Variants in GRID1 observed in about 807,000 individuals in gnomAD.
GRID1 encodes the protein glutamate receptor ionotropic, delta-1.
In GRID1, 28 loss-of-function variants were observed where a neutral mutation model predicts 98.0. The ratio of observed to expected loss-of-function variants is 0.29; its 90% CI spans 0.21 to 0.39. GRID1 has a LOEUF of 0.39. Ranked by LOEUF, GRID1 falls within the 10% of genes least tolerant of loss-of-function variation. The probability of loss-of-function intolerance (pLI) is 1.00; values close to 1 mark genes in which losing one functional copy is unlikely to be tolerated. For synonymous variants in GRID1, 553 were observed against 538.5 expected (o/e 1.03, Z -0.37); for missense variants, 1,111 against 1,340.5 (o/e 0.83, Z 2.67).
chr10:86,342,976 GAACAAAT>G, intron 2 of GRID1, among the ~76,000 whole-genome samples: 1 of 24,412 alleles, frequency 4.1e-5, no homozygotes, highest in Non-Finnish European at 3.6e-4. Context: ...GGAAATGAAT[GAACAAAT>G]GAATGGACAT....
intron 8 of GRID1, among the ~76,000 whole-genome samples, chr10:85,841,396 G>A (rs1842960396): frequency 6.6e-6 from 1 of 152,034 alleles, no homozygotes; most frequent in Non-Finnish European, 1.5e-5. Flanking sequence ...AGACAACCTA[G>A]GCAATATCAT....
intron 4 of GRID1, among the ~76,000 whole-genome samples, chr10:86,043,636 G>A (rs989037837): frequency 6.6e-6 from 1 of 152,188 alleles, no homozygotes; most frequent in East Asian, 1.9e-4. Flanking sequence ...TCTGATCTCT[G>A]GCAAATTCAC....
intron 2 of GRID1, among the ~76,000 whole-genome samples, chr10:86,311,451 C>A (rs1847830916): frequency 6.6e-6 from 1 of 152,180 alleles, no homozygotes; most frequent in Non-Finnish European, 1.5e-5. Context: ...TGTGGCTCCA[C>A]AACAAAACTT....
At chr10:86,265,245 G>A (rs150708411) in intron 2 of GRID1, among the ~76,000 whole-genome samples, 12 of 152,028 alleles carry the variant, frequency 7.9e-5, no homozygotes, top group Non-Finnish European at 1.3e-4. Context: ...CTTCTCTGAC[G>A]GCTCCCTCTC....
rs376240198 is a variant in GRID1, at chr10:86,151,976, G to A, written c.521-12952C>T. On this transcript the variant is annotated intron_variant, in intron 3 of 15. Coordinates refer to ENST00000327946, the MANE Select transcript of GRID1 (RefSeq NM_017551.3). ...AGGCCATGCCCTATCGTGGATACTA[G>A]AGAGAAGGATCAGACCCTGTCCCCA... Among the ~76,000 whole-genome samples, 28 of 152,336 alleles carry A rather than the reference G, an allele frequency of 1.8e-4. 1 individual carries two copies. Among genetic ancestry groups the A allele is most frequent in the African/African-American group, 6.7e-4 (28 of 41,578 alleles).
chr10:85,684,117 A>T (rs1302760814), intron 12 of GRID1, among the ~76,000 whole-genome samples: 1 of 152,228 alleles, frequency 6.6e-6, no homozygotes, highest in East Asian at 1.9e-4. Flanking sequence ...TATCTTAGTC[A>T]TTTTTATGCC....
chr10:85,973,577 T>C (rs1842434489), intron 4 of GRID1, among the ~76,000 whole-genome samples: 1 of 152,198 alleles, frequency 6.6e-6, no homozygotes, highest in African/African-American at 2.4e-5. Flanking sequence ...CTAAAATCTG[T>C]TAATACTGGC....
At chr10:85,915,704 G>A (rs538272380) in intron 5 of GRID1, among the ~76,000 whole-genome samples, 1 of 151,482 alleles carries the variant, frequency 6.6e-6, no homozygotes, top group African/African-American at 2.4e-5. Flanking sequence ...CATAAACACA[G>A]ACATACACAC....
chr10:86,117,142 TCAC>T (rs1212498529), intron 4 of GRID1, among the ~76,000 whole-genome samples: 3 of 149,306 alleles, frequency 2.0e-5, no homozygotes, highest in Non-Finnish European at 3.0e-5. Context: ...ACTACCACCA[TCAC>T]CACCAACATC....
At chr10:85,865,629 T>C (rs561498453) in intron 6 of GRID1, among the ~76,000 whole-genome samples, 2 of 152,234 alleles carry the variant, frequency 1.3e-5, no homozygotes, top group East Asian at 3.9e-4. Context: ...CCTTGAGTTG[T>C]TCTAAACATG....
At chr10:86,321,918 C>T (rs1463698712) in intron 2 of GRID1, among the ~76,000 whole-genome samples, 1 of 152,022 alleles carries the variant, frequency 6.6e-6, no homozygotes, top group Non-Finnish European at 1.5e-5. Context: ...AGCAGGCAAC[C>T]CAGAATCACC....
intron 4 of GRID1, among the ~76,000 whole-genome samples, chr10:86,035,243 T>C (rs1212189862): frequency 2.6e-5 from 4 of 152,194 alleles, no homozygotes; most frequent in Non-Finnish European, 5.9e-5. Context: ...TGGATTTCTC[T>C]GGAAAGGGAA....
intron 2 of GRID1, among the ~76,000 whole-genome samples, chr10:86,236,802 G>A (rs1846547150): frequency 6.6e-6 from 1 of 152,188 alleles, no homozygotes; most frequent in Admixed American, 6.5e-5. Flanking sequence ...AAATGTGCAT[G>A]GCAAATCCTG....
chr10:85,612,092 A>G (rs898249378), intron 15 of GRID1, among the ~76,000 whole-genome samples: 2 of 152,230 alleles, frequency 1.3e-5, no homozygotes, highest in African/African-American at 4.8e-5. Flanking sequence ...CTTCCAGGGA[A>G]GAGACAGCAT....
At chr10:85,756,024 A>C (rs1415400193) in intron 8 of GRID1, among the ~76,000 whole-genome samples, 2 of 151,968 alleles carry the variant, frequency 1.3e-5, no homozygotes, top group East Asian at 3.9e-4. Flanking sequence ...ACCCCCACCC[A>C]CATGCAATAG....
At chr10:86,288,900 C>T (rs1264842631) in intron 2 of GRID1, among the ~76,000 whole-genome samples, 1 of 152,138 alleles carries the variant, frequency 6.6e-6, no homozygotes, top group Non-Finnish European at 1.5e-5. Flanking sequence ...GAACAGAGGC[C>T]CCACCACTCC....
intron 13 of GRID1, among the ~76,000 whole-genome samples, chr10:85,633,021 C>G (rs1268803807): frequency 6.6e-6 from 1 of 152,156 alleles, no homozygotes; most frequent in Non-Finnish European, 1.5e-5. Context: ...TAATGGCTTC[C>G]AGCTTCCTCC....
intron 8 of GRID1, among the ~76,000 whole-genome samples, chr10:85,822,606 C>T (rs1416611178): frequency 6.6e-6 from 1 of 152,172 alleles, no homozygotes; most frequent in Non-Finnish European, 1.5e-5. Context: ...TAAACTAGTT[C>T]AACCATTGTG....
intron 2 of GRID1, among the ~76,000 whole-genome samples, chr10:86,330,694 A>G (rs1232597194): frequency 2.0e-5 from 3 of 152,268 alleles, no homozygotes; most frequent in Non-Finnish European, 4.4e-5. Context: ...AGGAGAAGCT[A>G]GAAAATAATC....
Sources: gnomAD v4.1 joint callset for allele counts (sites outside exome capture counted in the v4.1 genomes callset) on GRCh38, gnomAD v4.1.1 for gene constraint, MANE v1.5 for transcripts, NCBI Gene and HGNC (gene_info 2026-07-23, HGNC 2026-07-21) for gene names.